Variants in KCND2 observed in about 807,000 individuals in gnomAD.
KCND2 encodes the protein A-type voltage-gated potassium channel KCND2.
A neutral mutation model predicts 54.4 loss-of-function variants in KCND2; 16 were observed. The ratio of observed to expected loss-of-function variants is 0.29; its 90% CI spans 0.20 to 0.45. KCND2 has a LOEUF of 0.45. Among genes scored for constraint, KCND2 ranks in the 20% least tolerant of loss-of-function variants. The pLI, the probability that KCND2 is intolerant of heterozygous loss-of-function variation, is 1.00. For missense variants in KCND2, 486 were observed against 824.2 expected (o/e 0.59, Z 5.02); for synonymous variants, 317 against 310.7 (o/e 1.02, Z -0.21).
chr7:120,631,664 C>T (rs1415067949), intron 1 of KCND2, among the ~76,000 whole-genome samples: 3 of 152,092 alleles, frequency 2.0e-5, no homozygotes, highest in Non-Finnish European at 4.4e-5. Context: ...ATTTGAACTG[C>T]ATATTTCATC....
chr7:120,562,254 T>C (rs998870164), intron 1 of KCND2, among the ~76,000 whole-genome samples: 4 of 151,224 alleles, frequency 2.6e-5, no homozygotes, highest in African/African-American at 9.7e-5. Flanking sequence ...TAGCAGAAAA[T>C]AAGACAACAA....
At chr7:120,619,813 T>C (rs1161280817) in intron 1 of KCND2, among the ~76,000 whole-genome samples, 1 of 152,260 alleles carries the variant, frequency 6.6e-6, no homozygotes, top group Non-Finnish European at 1.5e-5. Flanking sequence ...GCCTTAATTT[T>C]ATTTTTATAT....
At chr7:120,506,372 TTA>T (rs1426581206) in intron 1 of KCND2, among the ~76,000 whole-genome samples, 1 of 151,842 alleles carries the variant, frequency 6.6e-6, no homozygotes, top group Non-Finnish European at 1.5e-5. Flanking sequence ...CAGATTCCAC[TTA>T]TGGACCAATT....
chr7:120,356,068 T>G (rs1800499336), intron 1 of KCND2, among the ~76,000 whole-genome samples: 1 of 152,122 alleles, frequency 6.6e-6, no homozygotes, highest in South Asian at 2.1e-4. Flanking sequence ...ATAACACATT[T>G]AGATGAGAAA....
At chr7:120,699,415 A>G (rs1358130774) in intron 1 of KCND2, among the ~76,000 whole-genome samples, 1 of 152,226 alleles carries the variant, frequency 6.6e-6, no homozygotes, top group African/African-American at 2.4e-5. Flanking sequence ...TCACTGTGGT[A>G]GGACCCAAAT....
chr7:120,478,323 C>T (rs945347450), intron 1 of KCND2, among the ~76,000 whole-genome samples: 1 of 152,120 alleles, frequency 6.6e-6, no homozygotes, highest in Non-Finnish European at 1.5e-5. Flanking sequence ...CATAAATTTT[C>T]ACTTACGTCA....
chr7:120,678,487 A>T (rs1792097396), intron 1 of KCND2, among the ~76,000 whole-genome samples: 1 of 147,708 alleles, frequency 6.8e-6, no homozygotes, highest in African/African-American at 2.5e-5. Context: ...ATACATACAC[A>T]TAAATATACA....
chr7:120,449,089 G>C (rs60114746), intron 1 of KCND2, among the ~76,000 whole-genome samples: 2 of 152,076 alleles, frequency 1.3e-5, no homozygotes, highest in Non-Finnish European at 2.9e-5. Flanking sequence ...CAGCACTTTG[G>C]GAGGCCGAGG....
rs1793042825 is a variant in KCND2 at position 120,749,169 on chromosome 7, TGAAATGTA to T, written c.*1314_*1321del. On this transcript the variant is annotated 3_prime_UTR_variant, in exon 6 of 6. Coordinates refer to ENST00000331113, the MANE Select transcript of KCND2 (RefSeq NM_012281.3). ...CATTTTGAGAATAACTAATGTGGATTGAAATGTAGAGATACACTGGAGTGCTTTATTTA... is the reference window on the plus strand; with the variant it reads ...CATTTTGAGAATAACTAATGTGGATTGAGATACACTGGAGTGCTTTATTTA... 2.0e-5 allele frequency: 3 copies of T among 152,100 alleles called. No individual in the cohort carries two copies. Among genetic ancestry groups the T allele is most frequent in the African/African-American group, 7.2e-5 (3 of 41,572 alleles). The allele number at this position is 152,100 out of a possible 1,614,324, so 9.4% of individuals were successfully genotyped here. A position where few individuals can be genotyped will look rare whatever the true frequency, so the allele number is the denominator to read the frequency against.
rs949037960 is a variant in KCND2, at chr7:120,574,511, A to G, written c.1116-158392A>G. On this transcript the variant is annotated intron_variant, in intron 1 of 5. Coordinates refer to ENST00000331113, the MANE Select transcript of KCND2 (RefSeq NM_012281.3). ...GAATCTTAACATTTAATAAGAGGCT[A>G]TTCTACACAATATCAAAAAACTAAA... Among the ~76,000 whole-genome samples, 3 of 152,236 alleles carry G rather than the reference A, an allele frequency of 2.0e-5. No homozygotes were observed. The South Asian group carries it at 6.2e-4, about 31-fold the overall frequency.
intron 1 of KCND2, among the ~76,000 whole-genome samples, chr7:120,698,025 T>A (rs999451844): frequency 7.5e-6 from 1 of 132,668 alleles, no homozygotes; most frequent in South Asian, 2.4e-4. Context: ...ATTTGCCCTT[T>A]TTTTTTTTTT....
At chr7:120,287,094 A>G (rs1048484942) in intron 1 of KCND2, among the ~76,000 whole-genome samples, 7 of 152,114 alleles carry the variant, frequency 4.6e-5, no homozygotes, top group Non-Finnish European at 1.0e-4. Context: ...GGGCAAAATC[A>G]GTATAAGCAG....
At chr7:120,482,377 C>T (rs1468972104) in intron 1 of KCND2, among the ~76,000 whole-genome samples, 1 of 152,112 alleles carries the variant, frequency 6.6e-6, no homozygotes, top group East Asian at 1.9e-4. Context: ...GACTTTTGAA[C>T]TGGCACTGGA....
At chr7:120,387,805 C>G (rs543541287) in intron 1 of KCND2, among the ~76,000 whole-genome samples, 1 of 152,000 alleles carries the variant, frequency 6.6e-6, no homozygotes, top group Non-Finnish European at 1.5e-5. Flanking sequence ...CCTGTCCCTT[C>G]TTAGTAGGAT....
intron 1 of KCND2, among the ~76,000 whole-genome samples, chr7:120,707,389 G>T (rs1348900774): frequency 1.3e-5 from 2 of 152,070 alleles, no homozygotes; most frequent in Non-Finnish European, 2.9e-5. Context: ...ACTATTCATG[G>T]AAATGACTGC....
intron 1 of KCND2, among the ~76,000 whole-genome samples, chr7:120,656,701 T>C (rs1222179186): frequency 6.6e-6 from 1 of 152,240 alleles, no homozygotes; most frequent in African/African-American, 2.4e-5. Flanking sequence ...AGTTGTGTCA[T>C]ATGCAGACTA....
chr7:120,690,114 A>T (rs1253210916), intron 1 of KCND2, among the ~76,000 whole-genome samples: 1 of 152,132 alleles, frequency 6.6e-6, no homozygotes, highest in Non-Finnish European at 1.5e-5. Context: ...TTTTTCAAAG[A>T]TCACTTTTTT....
intron 1 of KCND2, among the ~76,000 whole-genome samples, chr7:120,484,144 G>A (rs181313993): frequency 4.6e-5 from 7 of 152,160 alleles, no homozygotes; most frequent in Non-Finnish European, 8.8e-5. Flanking sequence ...TGAGAAGGCA[G>A]TGCCGCCTTG....
intron 1 of KCND2, among the ~76,000 whole-genome samples, chr7:120,372,566 T>TA (rs1800779729): frequency 6.6e-6 from 1 of 151,956 alleles, no homozygotes; most frequent in African/African-American, 2.4e-5. Flanking sequence ...TTTTCAGACC[T>TA]AGAAAAACAA....
Sources: allele counts gnomAD v4.1 joint callset (sites outside exome capture counted in the v4.1 genomes callset), GRCh38; gene constraint gnomAD v4.1.1; transcripts MANE v1.5; gene names NCBI Gene and HGNC (gene_info 2026-07-23, HGNC 2026-07-21).